UNC13C: variants seen among roughly 807,000 people sequenced by gnomAD.
The protein encoded by UNC13C is unc-13 homolog C.
A neutral mutation model predicts 245.4 loss-of-function variants in UNC13C; 174 were observed. The ratio of observed to expected loss-of-function variants is 0.71; its 90% CI spans 0.63 to 0.80. The LOEUF (loss-of-function observed/expected upper bound fraction) is 0.80, where lower values mean the gene tolerates loss of function less well. Ranked by LOEUF, UNC13C falls within the 30% of genes least tolerant of loss-of-function variation. The pLI is 0.00. For synonymous variants in UNC13C, 992 were observed against 895.1 expected (o/e 1.11, Z -1.93); for missense variants, 2,829 against 2,602.9 (o/e 1.09, Z -1.89).
chr15:54,317,913 C>G lies in UNC13C; in HGVS notation c.4269-4026C>G, dbSNP rs1405205368. On this transcript the variant is annotated intron_variant, in intron 13 of 32. Coordinates refer to ENST00000260323, the MANE Select transcript of UNC13C (RefSeq NM_001080534.3). The stretch of plus-strand genomic sequence containing the variant: ...CTGCACCCCCTAACTGCTCCAACCT[C>G]TAGTAACTACCTTTCAACTCTCTAC... 2.0e-5 allele frequency among the ~76,000 whole-genome samples: 3 copies of G among 152,062 alleles called. No homozygotes were observed. In the East Asian group the frequency reaches 5.8e-4, roughly 30 times the overall value.
At chr15:53,902,274 C>T in the UNC13C span, among the ~76,000 whole-genome samples, 1 of 152,120 alleles carries the variant, frequency 6.6e-6, no homozygotes, top group South Asian at 2.1e-4. Flanking sequence ...TAACCCTAAT[C>T]CCACCTAGGT....
At chr15:54,275,844 T>G (rs761161682) in intron 10 of UNC13C, among the ~76,000 whole-genome samples, 4 of 152,068 alleles carry the variant, frequency 2.6e-5, no homozygotes, top group Admixed American at 6.5e-5. Context: ...AACTTAAAAC[T>G]GAAAACAACC....
At chr15:53,961,214 G>C in the UNC13C span, among the ~76,000 whole-genome samples, 9 of 152,370 alleles carry the variant, frequency 5.9e-5, no homozygotes, top group South Asian at 2.1e-4. Context: ...GGGGATATCT[G>C]TTTCTCCCAA....
intron 2 of UNC13C, among the ~76,000 whole-genome samples, chr15:54,091,708 T>A (rs1293149061): frequency 6.6e-6 from 1 of 151,656 alleles, no homozygotes; most frequent in Non-Finnish European, 1.5e-5. Flanking sequence ...ATATTTATTT[T>A]ATAACTAGTG....
chr15:54,429,264 A>G (rs2040819027), intron 19 of UNC13C, among the ~76,000 whole-genome samples: 2 of 151,830 alleles, frequency 1.3e-5, no homozygotes, highest in African/African-American at 4.8e-5. Context: ...AGTAATTTAT[A>G]AGTGAAAGTA....
At position 54,014,026 on chromosome 15, in the gene UNC13C, C is replaced by T. The variant is rs1337986902; in HGVS notation, c.1123C>T (p.Arg375Ter). 3 of 1,613,746 alleles carry T rather than the reference C, an allele frequency of 1.9e-6. No homozygotes were observed. Among genetic ancestry groups the T allele is most frequent in the East Asian group, 2.2e-5 (1 of 44,872 alleles). The change falls in exon 2 of 33, where the codon CGA becomes TGA. Residue 375 changes from arginine to a stop codon, truncating the protein, a stop_gained. Coordinates refer to ENST00000260323, the MANE Select transcript of UNC13C (RefSeq NM_001080534.3). LOFTEE classifies it high-confidence loss of function. The part of the protein sequence containing the change: ...HQRDCPNAKP[R>*]PILVYFETPQ... ...GAGAGACTGCCCAAATGCAAAGCCT[C>T]GACCCATACTTGTGTACTTTGAAAC...
intron 10 of UNC13C, among the ~76,000 whole-genome samples, chr15:54,292,983 A>G (rs1408256209): frequency 1.3e-5 from 2 of 149,952 alleles, no homozygotes. Context: ...TATAATATGT[A>G]TATTCTCCTT....
At chr15:54,490,943 C>T (rs865951430) in intron 19 of UNC13C, among the ~76,000 whole-genome samples, 3 of 152,162 alleles carry the variant, frequency 2.0e-5, no homozygotes, top group African/African-American at 7.2e-5. Flanking sequence ...CAAAGTACAG[C>T]TAAATTCATC....
At chr15:54,034,684 A>G (rs767541796) in intron 2 of UNC13C, among the ~76,000 whole-genome samples, 11 of 152,226 alleles carry the variant, frequency 7.2e-5, no homozygotes, top group Non-Finnish European at 1.3e-4. Context: ...ATACTACTGT[A>G]CAGATTTGTT....
At chr15:53,990,334 A>G (rs1239675917) in intron 1 of UNC13C, among the ~76,000 whole-genome samples, 2 of 152,014 alleles carry the variant, frequency 1.3e-5, no homozygotes, top group Non-Finnish European at 2.9e-5. Context: ...ATACAGAATT[A>G]TAAAACTTTC....
At chr15:54,128,474 G>T (rs1443632152) in intron 2 of UNC13C, among the ~76,000 whole-genome samples, 4 of 152,172 alleles carry the variant, frequency 2.6e-5, no homozygotes, top group African/African-American at 9.7e-5. Flanking sequence ...CCTAACATCT[G>T]TGTGTGAACA....
intron 2 of UNC13C, among the ~76,000 whole-genome samples, chr15:54,036,396 A>G (rs1261227168): frequency 6.6e-6 from 1 of 152,188 alleles, no homozygotes; most frequent in Non-Finnish European, 1.5e-5. Context: ...CAAATCCTTC[A>G]ATTTACGGAG....
chr15:54,031,469 C>T (rs112291746), intron 2 of UNC13C, among the ~76,000 whole-genome samples: 13,007 of 152,216 alleles, frequency 0.085, 675 homozygotes, highest in Middle Eastern at 0.13. Context: ...GTGATCTGCC[C>T]GCCTCGGCTT....
At chr15:53,929,090 A>T in the UNC13C span, among the ~76,000 whole-genome samples, 1 of 152,334 alleles carries the variant, frequency 6.6e-6, no homozygotes, top group East Asian at 1.9e-4. Flanking sequence ...TCACGGTTCC[A>T]CACTGCTGGG....
At chr15:54,132,168 T>C (rs1447648740) in intron 2 of UNC13C, among the ~76,000 whole-genome samples, 2 of 149,960 alleles carry the variant, frequency 1.3e-5, no homozygotes, top group East Asian at 2.0e-4. Flanking sequence ...CCAGGTTTAC[T>C]TATGCCGTTC....
At chr15:53,984,375 A>G (rs1337288545) in intron 1 of UNC13C, among the ~76,000 whole-genome samples, 1 of 152,074 alleles carries the variant, frequency 6.6e-6, no homozygotes, top group Non-Finnish European at 1.5e-5. Flanking sequence ...AATGCATCAT[A>G]CACTGTCTTA....
chr15:54,562,082 G>A (rs1897317279), intron 29 of UNC13C, among the ~76,000 whole-genome samples: 1 of 151,988 alleles, frequency 6.6e-6, no homozygotes, highest in Non-Finnish European at 1.5e-5. Context: ...GCAATGGCAG[G>A]AATGTGGAAA....
intron 4 of UNC13C, among the ~76,000 whole-genome samples, chr15:54,166,302 T>C (rs2141275298): frequency 6.6e-6 from 1 of 152,216 alleles, no homozygotes; most frequent in South Asian, 2.1e-4. Flanking sequence ...TTAATTTATT[T>C]GAATGTATGA....
the UNC13C span, among the ~76,000 whole-genome samples, chr15:53,851,945 T>A: frequency 6.6e-6 from 1 of 152,178 alleles, no homozygotes. Context: ...TCCTTTGTAA[T>A]AATACCTTAT....
Sources: gnomAD v4.1 joint callset for allele counts (sites outside exome capture counted in the v4.1 genomes callset) on GRCh38, gnomAD v4.1.1 for gene constraint, MANE v1.5 for transcripts, NCBI Gene and HGNC (gene_info 2026-07-23, HGNC 2026-07-21) for gene names.